ME1: variants seen among roughly 807,000 people sequenced by gnomAD.
The protein encoded by ME1 is malic enzyme 1, also known as NADP-dependent malic enzyme.
ME1 carries 74 observed loss-of-function variants against 66.4 expected under a neutral mutation model. The ratio of observed to expected loss-of-function variants is 1.11; its 90% CI spans 0.92 to 1.35. ME1 has a LOEUF of 1.35. ME1 is among the 40% of genes most tolerant of loss of function. The probability of loss-of-function intolerance (pLI) is 0.00; values close to 1 mark genes in which losing one functional copy is unlikely to be tolerated. For synonymous variants in ME1, 251 were observed against 235.6 expected, an observed-to-expected ratio of 1.07 and a Z score of -0.60; for missense variants, 750 against 694.1, an observed-to-expected ratio of 1.08 and a Z score of -0.90.
At chr6:83,360,666 T>C (rs1275310026) in intron 3 of ME1, among the ~76,000 whole-genome samples, 1 of 152,216 alleles carries the variant, frequency 6.6e-6, no homozygotes, top group Non-Finnish European at 1.5e-5. Flanking sequence ...CCTGGAGGGA[T>C]TGCAGAGATT....
At chr6:83,249,920 T>C (rs543741638) in intron 7 of ME1, among the ~76,000 whole-genome samples, 57 of 152,324 alleles carry the variant, frequency 3.7e-4, no homozygotes, top group Admixed American at 1.8e-3. Context: ...CTTAGGGTCA[T>C]GGTCATCATT....
chr6:83,228,977 G>A, intron 9 of ME1, 46 bp from the exon 10 acceptor site: 2 of 1,289,638 alleles, frequency 1.6e-6, no homozygotes, highest in Non-Finnish European at 2.2e-6. Context: ...CCAAACATGT[G>A]AGGGTCAATA....
At chr6:83,225,205 C>CAAAAA (rs146673365) in intron 11 of ME1, among the ~76,000 whole-genome samples, 10 of 40,468 alleles carry the variant, frequency 2.5e-4, no homozygotes, top group Non-Finnish European at 2.6e-4. Flanking sequence ...GACTCCATCT[C>CAAAAA]AAAAAAAAAA....
intron 12 of ME1, among the ~76,000 whole-genome samples, chr6:83,223,075 C>G (rs560966134): frequency 1.2e-4 from 19 of 152,314 alleles, no homozygotes; most frequent in African/African-American, 4.3e-4. Context: ...TCACTTTAAA[C>G]CTTCAAAATG....
chr6:83,237,684 T>A (rs376292851), intron 9 of ME1, 33 bp downstream of exon 9: 2 of 1,300,098 alleles, frequency 1.5e-6, no homozygotes, highest in South Asian at 2.6e-5. Context: ...GGCATAGTTA[T>A]CTTTATTCTG....
At chr6:83,324,172 G>C (rs1202915073) in intron 5 of ME1, among the ~76,000 whole-genome samples, 1 of 151,798 alleles carries the variant, frequency 6.6e-6, no homozygotes, top group Non-Finnish European at 1.5e-5. Context: ...AGAATCTCTG[G>C]GACACAGCTA....
At chr6:83,376,804 C>CCAAAAAAAAAAAAAAAAAAA (rs768668584) in intron 3 of ME1, among the ~76,000 whole-genome samples, 3 of 87,124 alleles carry the variant, frequency 3.4e-5, no homozygotes, top group African/African-American at 7.8e-5. Flanking sequence ...CCCTGTCTCA[C>CCAAAAAAAAAAAAAAAAAAA]AAAAAAAAAA....
rs113621249 is a variant in ME1, at chr6:83,428,964, G to A, written c.78+1913C>T. Among the ~76,000 whole-genome samples, 1,149 of 152,240 alleles carry A rather than the reference G, an allele frequency of 7.5e-3. 31 individuals are homozygous for A. The highest frequency in any genetic ancestry group is 0.059 in the East Asian group (307 of 5,172). The stretch of plus-strand genomic sequence containing the variant: ...CTTGTGAACAGGAGTCACAAGGATT[G>A]TTATATCATAAATTCTTGGCTGGGC... On this transcript the variant is annotated intron_variant, in intron 1 of 13. Transcript: ENST00000369705.
At position 83,359,311 on chromosome 6, in the gene ME1, A is replaced by C. The variant is rs549467677; in HGVS notation, c.363-7172T>G. Among the ~76,000 whole-genome samples, 3 of 152,310 alleles carry C rather than the reference A, an allele frequency of 2.0e-5. No homozygotes were observed. In the South Asian group the frequency reaches 6.2e-4, roughly 32 times the overall value. On this transcript the variant is annotated intron_variant, in intron 3 of 13. Coordinates refer to ENST00000369705, the MANE Select transcript of ME1 (RefSeq NM_002395.6). ...TAGACAAAAGTCCCGGCAGGCCCCT[A>C]GAAGTGAGGTTGAAAGTGTGACCCA...
chr6:83,381,382 G>T (rs1411100244), intron 3 of ME1, among the ~76,000 whole-genome samples: 1 of 151,730 alleles, frequency 6.6e-6, no homozygotes, highest in Non-Finnish European at 1.5e-5. Flanking sequence ...TATTAAGCCT[G>T]CAAGCTTAAG....
At chr6:83,214,673 C>G (rs749027779) in intron 13 of ME1, among the ~76,000 whole-genome samples, 10 of 152,122 alleles carry the variant, frequency 6.6e-5, no homozygotes, top group African/African-American at 9.7e-5. Flanking sequence ...CAACCTCACC[C>G]ACTCCTAGAT....
At chr6:83,223,621 T>A in intron 12 of ME1, 139 bp downstream of exon 12, 3 of 720,326 alleles carry the variant, frequency 4.2e-6, no homozygotes, top group Non-Finnish European at 6.7e-6. Flanking sequence ...CCACCCCTTA[T>A]ACTCCACTGG....
At chr6:83,235,415 C>T (rs1790380620) in intron 9 of ME1, among the ~76,000 whole-genome samples, 1 of 151,412 alleles carries the variant, frequency 6.6e-6, no homozygotes, top group Non-Finnish European at 1.5e-5. Flanking sequence ...CAACTTGTCA[C>T]ATGATGACAG....
intron 3 of ME1, among the ~76,000 whole-genome samples, chr6:83,352,608 C>T (rs576890922): frequency 6.6e-6 from 1 of 152,228 alleles, no homozygotes; most frequent in African/African-American, 2.4e-5. Context: ...GCTGAAGTGA[C>T]TGACTAATGC....
chr6:83,422,015 C>G (rs772185677), intron 1 of ME1, among the ~76,000 whole-genome samples: 4 of 152,010 alleles, frequency 2.6e-5, no homozygotes, highest in Non-Finnish European at 5.9e-5. Context: ...GCCCAGTTTT[C>G]CGGCCATGAG....
In ME1 at chr6:83,237,115, G is replaced by A. The variant is rs540369221; in HGVS notation, c.1026+602C>T. On this transcript the variant is annotated intron_variant, in intron 9 of 13. Coordinates refer to ENST00000369705, the MANE Select transcript of ME1 (RefSeq NM_002395.6). ...AGCTAAGGTGGGATAGGGATCACTTGAAAACAGGAGGTCAAGGCTACAGTG... is the reference window on the plus strand; with the variant it reads ...AGCTAAGGTGGGATAGGGATCACTTAAAAACAGGAGGTCAAGGCTACAGTG... Among the ~76,000 whole-genome samples the A allele has an allele frequency of 1.0e-4, 15 of 150,704 alleles. No homozygotes were observed. The South Asian group carries it at 2.9e-3, about 30-fold the overall frequency.
chr6:83,427,480 A>G (rs1430256188), intron 1 of ME1, among the ~76,000 whole-genome samples: 2 of 152,186 alleles, frequency 1.3e-5, no homozygotes, highest in East Asian at 3.8e-4. Flanking sequence ...TCAGCATACT[A>G]TATAATGGCA....
intron 3 of ME1, among the ~76,000 whole-genome samples, chr6:83,382,993 A>C (rs1293123500): frequency 6.6e-6 from 1 of 151,884 alleles, no homozygotes; most frequent in Non-Finnish European, 1.5e-5. Flanking sequence ...GTCAGCTGAA[A>C]TCTTATTAAA....
intron 7 of ME1, among the ~76,000 whole-genome samples, chr6:83,241,811 C>T (rs150720049): frequency 6.6e-6 from 1 of 152,190 alleles, no homozygotes; most frequent in African/African-American, 2.4e-5. Flanking sequence ...TTTTATAAGT[C>T]AGACAGAATT....
Sources: allele counts gnomAD v4.1 joint callset (sites outside exome capture counted in the v4.1 genomes callset), GRCh38; gene constraint gnomAD v4.1.1; transcripts MANE v1.5; gene names NCBI Gene and HGNC (gene_info 2026-07-23, HGNC 2026-07-21).